LRP1B: variants seen among roughly 807,000 people sequenced by gnomAD.
The protein encoded by LRP1B is low-density lipoprotein receptor-related protein 1B.
Under a neutral mutation model 556.6 loss-of-function variants are expected in LRP1B, and 217 were observed. The observed-to-expected ratio is 0.39, with a 90% CI of 0.35 to 0.44. The LOEUF is 0.44. LRP1B is among the 20% of genes least tolerant of loss of function. The probability of loss-of-function intolerance (pLI) is 1.00; values close to 1 mark genes in which losing one functional copy is unlikely to be tolerated. For missense variants in LRP1B, 5,053 were observed against 5,620.8 expected, an observed-to-expected ratio of 0.90 and a Z score of 3.23; for synonymous variants, 2,047 against 1,865.8, an observed-to-expected ratio of 1.10 and a Z score of -2.50.
At position 140,747,411 on chromosome 2, in the gene LRP1B, G is replaced by C. The variant is rs367868344; in HGVS notation, c.5758+21802C>G. ...TGTAGCTGAACTTTTTCACATGTCA[G>C]TTGAAGGCTTCCAAGGCATGAGTCC... On this transcript the variant is annotated intron_variant, in intron 35 of 90. Transcript: ENST00000389484. 1.8e-4 allele frequency among the ~76,000 whole-genome samples: 28 copies of C among 152,272 alleles called. No individual in the cohort carries two copies. In the South Asian group the frequency reaches 5.6e-3, roughly 30 times the overall value.
chr2:141,375,313 C>G (rs1186458997), intron 3 of LRP1B, among the ~76,000 whole-genome samples: 1 of 152,226 alleles, frequency 6.6e-6, no homozygotes, highest in Middle Eastern at 3.4e-3. Context: ...GCAGCTTACA[C>G]TGTTTCAAGT....
chr2:141,544,322 C>CTTCTTCTTCTTCTTCTT lies in LRP1B; in HGVS notation c.206-63806_206-63790dup, dbSNP rs1559130943. The stretch of plus-strand genomic sequence containing the variant: ...TCTTCTTCTTCTTCTTCTTCTTCTT[C>CTTCTTCTTCTTCTTCTT]TTCTTCTTCTTCTTCTTCTTCTTCT... On this transcript the variant is annotated intron_variant, in intron 2 of 90. Transcript: ENST00000389484. Among the ~76,000 whole-genome samples, 90 of 50,408 alleles carry CTTCTTCTTCTTCTTCTT rather than the reference C, an allele frequency of 1.8e-3. 2 individuals are homozygous for CTTCTTCTTCTTCTTCTT. Among genetic ancestry groups the CTTCTTCTTCTTCTTCTT allele is most frequent in the South Asian group, 8.8e-3 (6 of 678 alleles). The allele number at this position is 50,408 out of a possible 152,430, so 33.1% of individuals were successfully genotyped here.
At chr2:142,025,262 T>C (rs1473643347) in intron 1 of LRP1B, among the ~76,000 whole-genome samples, 1 of 152,162 alleles carries the variant, frequency 6.6e-6, no homozygotes, top group African/African-American at 2.4e-5. Context: ...ACAATCATTT[T>C]AGGTCAGCTT....
intron 1 of LRP1B, among the ~76,000 whole-genome samples, chr2:142,064,679 ATTT>A (rs1221818759): frequency 6.6e-6 from 1 of 151,658 alleles, no homozygotes; most frequent in Admixed American, 6.6e-5. Context: ...TTACATGTGT[ATTT>A]TTTAACATCT....
At chr2:140,625,896 C>T (rs1683640692) in intron 41 of LRP1B, among the ~76,000 whole-genome samples, 1 of 152,168 alleles carries the variant, frequency 6.6e-6, no homozygotes, top group African/African-American at 2.4e-5. Context: ...GAGTTAATAA[C>T]TTATGTCCAA....
chr2:141,967,286 C>T (rs899564617), intron 1 of LRP1B, among the ~76,000 whole-genome samples: 1 of 151,790 alleles, frequency 6.6e-6, no homozygotes, highest in East Asian at 1.9e-4. Context: ...TTGGTCAACT[C>T]CATAAATCAC....
At position 140,915,752 on chromosome 2, in the gene LRP1B, G is replaced by A. The variant is rs182803261; in HGVS notation, c.3319+7213C>T. 2.7e-3 allele frequency among the ~76,000 whole-genome samples: 406 copies of A among 152,050 alleles called. 1 individual carries two copies. The highest frequency in any genetic ancestry group is 9.6e-3 in the African/African-American group (398 of 41,494). The stretch of plus-strand genomic sequence containing the variant: ...ATTGTTTATTCTTCTTTATAGACAG[G>A]ACTGAAGGGAAACAACTAGAGTAGG... On this transcript the variant is annotated intron_variant, in intron 21 of 90. Transcript: ENST00000389484.
intron 2 of LRP1B, among the ~76,000 whole-genome samples, chr2:141,546,164 T>A (rs1406925102): frequency 6.6e-6 from 1 of 152,106 alleles, no homozygotes; most frequent in Non-Finnish European, 1.5e-5. Flanking sequence ...CACTTCTTAT[T>A]ATGAACATGC....
intron 1 of LRP1B, among the ~76,000 whole-genome samples, chr2:141,922,091 A>G (rs574139331): frequency 1.3e-5 from 2 of 152,314 alleles, no homozygotes; most frequent in African/African-American, 4.8e-5. Context: ...ATCCATCCCA[A>G]TAGTCTAAAG....
chr2:141,841,137 C>T lies in LRP1B; in HGVS notation c.83-30736G>A, dbSNP rs186531424. 3.9e-5 allele frequency among the ~76,000 whole-genome samples: 6 copies of T among 152,166 alleles called. No homozygotes were observed. The East Asian group carries it at 1.2e-3, about 29-fold the overall frequency. On this transcript the variant is annotated intron_variant, in intron 1 of 90. Transcript: ENST00000389484. ...TAGCTCTTTATTTAAATTTTTTAAT[C>T]TTCAAAATAGTTCTACTTGAACCAA... is the stretch of plus-strand genomic sequence containing the variant.
chr2:140,852,442 C>G (rs1222351610), intron 27 of LRP1B, among the ~76,000 whole-genome samples: 2 of 152,214 alleles, frequency 1.3e-5, no homozygotes, highest in Non-Finnish European at 2.9e-5. Flanking sequence ...ATAACCCAGA[C>G]ATTGGAAGTT....
chr2:141,673,837 A>T (rs34117710), intron 2 of LRP1B, among the ~76,000 whole-genome samples: 14,312 of 151,952 alleles, frequency 0.094, 815 homozygotes, highest in East Asian at 0.16. Flanking sequence ...GATTTTTTTT[A>T]AAATTTTTAA....
intron 1 of LRP1B, among the ~76,000 whole-genome samples, chr2:141,960,988 A>G (rs1200277570): frequency 1.3e-5 from 2 of 151,784 alleles, no homozygotes; most frequent in Non-Finnish European, 2.9e-5. Context: ...CAAATTTCCA[A>G]TTAAAAGCTG....
intron 31 of LRP1B, 140 bp from the exon 32 acceptor site, chr2:140,813,946 G>A (rs866211614): frequency 1.3e-4 from 79 of 620,354 alleles, no homozygotes; most frequent in African/African-American, 1.2e-3. Context: ...GGCTAATAGG[G>A]AAATACACAT....
intron 1 of LRP1B, among the ~76,000 whole-genome samples, chr2:141,901,328 TC>T (rs898404851): frequency 9.9e-5 from 15 of 152,068 alleles, no homozygotes; most frequent in African/African-American, 3.6e-4. Context: ...CTGTGTATTT[TC>T]CCCCTATGTT....
intron 2 of LRP1B, among the ~76,000 whole-genome samples, chr2:141,561,200 C>A (rs536830729): frequency 1.6e-4 from 24 of 151,680 alleles, no homozygotes; most frequent in Non-Finnish European, 3.2e-4. Flanking sequence ...GGATTATTTA[C>A]TATGATATAG....
chr2:140,602,263 G>A (rs1361661526), intron 41 of LRP1B, among the ~76,000 whole-genome samples: 1 of 151,790 alleles, frequency 6.6e-6, no homozygotes, highest in Non-Finnish European at 1.5e-5. Context: ...TGCTTTAAAT[G>A]TCAGACAAAG....
At chr2:141,503,912 G>A (rs1683820591) in intron 2 of LRP1B, among the ~76,000 whole-genome samples, 1 of 150,828 alleles carries the variant, frequency 6.6e-6, no homozygotes, top group Non-Finnish European at 1.5e-5. Context: ...AAGCATTCAG[G>A]CAGATCTTAA....
At chr2:141,865,596 AAAAAAAAAAAAG>A (rs1426367877) in intron 1 of LRP1B, among the ~76,000 whole-genome samples, 141 of 134,704 alleles carry the variant, frequency 1.0e-3, no homozygotes, top group Non-Finnish European at 1.7e-3. Context: ...CGTCTCAAAA[AAAAAAAAAAAAG>A]AAAAAAAAAA....
Sources: gnomAD v4.1 joint callset for allele counts (sites outside exome capture counted in the v4.1 genomes callset) on GRCh38, gnomAD v4.1.1 for gene constraint, MANE v1.5 for transcripts, NCBI Gene and HGNC (gene_info 2026-07-23, HGNC 2026-07-21) for gene names.